The following EIF4E2 variants were observed in gnomAD, a reference collection of about 807,000 sequenced individuals.
EIF4E2 encodes eukaryotic translation initiation factor 4E type 2.
EIF4E2 carries 13 observed loss-of-function variants against 34.2 expected under a neutral mutation model. That is an observed-to-expected ratio of 0.38 (90% confidence interval 0.25 to 0.60). The LOEUF (loss-of-function observed/expected upper bound fraction) is 0.60. EIF4E2 is among the 20% of genes least tolerant of loss of function. The pLI is 0.62. For synonymous variants in EIF4E2, 100 were observed against 106.6 expected (o/e 0.94, Z 0.38); for missense variants, 222 against 315.1 (o/e 0.70, Z 2.24).
chr2:232,554,772 T>G (rs1446130160), intron 1 of EIF4E2, among the ~76,000 whole-genome samples: 1 of 152,226 alleles, frequency 6.6e-6, no homozygotes, highest in Non-Finnish European at 1.5e-5. Flanking sequence ...TTCTCTGCTT[T>G]TGCTCATTGT....
chr2:232,581,197 C>T lies in EIF4E2; in HGVS notation c.*254C>T, dbSNP rs1448605193. 1.3e-5 allele frequency: 8 copies of T among 598,520 alleles called. No homozygotes were observed. Among genetic ancestry groups the T allele is most frequent in the South Asian group, 8.0e-5 (5 of 62,220 alleles). The allele number at this position is 598,520 out of a possible 1,614,324, so 37.1% of individuals were successfully genotyped here. A position where few individuals can be genotyped will look rare whatever the true frequency, so the allele number is the denominator to read the frequency against. ...TTTTTAATGGGGTTCCATGGGGGGG[C>T]GTTCAGCCTTTCTGTTTGCTGTGTG... is the stretch of plus-strand genomic sequence containing the variant. On this transcript the variant is annotated 3_prime_UTR_variant, in exon 7 of 7. Transcript: ENST00000409098. This position sits in a 1 kb window ranked among gnomAD's most constrained non-coding sequence, Gnocchi z 5.2.
At position 232,566,259 on chromosome 2, in the gene EIF4E2, TCCC is replaced by T. The variant is rs1231011851; in HGVS notation, c.376-569_376-567del. On this transcript the variant is annotated intron_variant, in intron 4 of 6. Coordinates refer to ENST00000258416, the MANE Select transcript of EIF4E2 (RefSeq NM_004846.4). The surrounding 1 kb of genome is among the most constrained non-coding windows in gnomAD (Gnocchi z 4.9). The stretch of plus-strand genomic sequence containing the variant: ...GGGAGTGCAGTGGCACGATCTCGGC[TCCC>T]TGCAAGCTCTGCCTCCCGAGTTCAC... Among the ~76,000 whole-genome samples, 25 of 152,252 alleles carry T rather than the reference TCCC, an allele frequency of 1.6e-4. No homozygotes were observed. Among genetic ancestry groups the T allele is most frequent in the African/African-American group, 5.5e-4 (23 of 41,558 alleles).
chr2:232,551,036 C>T, intron 1 of EIF4E2: 1 of 613,944 alleles, frequency 1.6e-6, no homozygotes. Context: ...CTGGTGGATG[C>T]GGATTGCCTG....
chr2:232,570,404 T>A (rs1693063857), downstream of EIF4E2, among the ~76,000 whole-genome samples: 1 of 152,242 alleles, frequency 6.6e-6, no homozygotes, highest in Non-Finnish European at 1.5e-5. Flanking sequence ...TCTTTCCCTC[T>A]TGCCTTCAAA....
rs537259473 is a variant in EIF4E2 at position 232,581,553 on chromosome 2, T to G, written c.*610T>G. The G allele has an allele frequency of 4.4e-3, 796 of 179,650 alleles. 7 individuals are homozygous for G. The highest frequency in any genetic ancestry group is 0.018 in the African/African-American group (746 of 41,880). The allele number at this position is 179,650 out of a possible 1,614,324, so 11.1% of individuals were successfully genotyped here. A position where few individuals can be genotyped will look rare whatever the true frequency, so the allele number is the denominator to read the frequency against. On this transcript the variant is annotated 3_prime_UTR_variant, in exon 7 of 7. Transcript: ENST00000409098. This position sits in a 1 kb window ranked among gnomAD's most constrained non-coding sequence, Gnocchi z 5.2. The stretch of plus-strand genomic sequence containing the variant: ...TCCGGTCTCCTCTCCTGTGGGACTC[T>G]CTCCTTCTTAGGCACAGCTGCACTT...
chr2:232,556,599 T>C, intron 2 of EIF4E2, 69 bp downstream of exon 2: 2 of 1,132,522 alleles, frequency 1.8e-6, no homozygotes, highest in Non-Finnish European at 2.6e-6. Context: ...GGAATCTGTT[T>C]ATCTGGAAGA....
intron 1 of EIF4E2, 30 bp from the exon 2 acceptor site, chr2:232,556,386 A>C (rs760493669): frequency 1.9e-6 from 3 of 1,573,746 alleles, no homozygotes; most frequent in African/African-American, 2.7e-5. Context: ...ACTTCGTCAC[A>C]GAATTGTATT....
At chr2:232,572,419 G>A (rs545518287), downstream of EIF4E2, among the ~76,000 whole-genome samples, 14 of 152,190 alleles carry the variant, frequency 9.2e-5, no homozygotes, top group Non-Finnish European at 1.9e-4. Flanking sequence ...AGGCTGGAGT[G>A]CAGTGGCGCG....
At chr2:232,561,293 A>T (rs370269964) in intron 3 of EIF4E2, among the ~76,000 whole-genome samples, 1 of 151,596 alleles carries the variant, frequency 6.6e-6, no homozygotes, top group Non-Finnish European at 1.5e-5. Flanking sequence ...TGGAGTAATT[A>T]TGCATACTTC....
chr2:232,556,696 A>G, intron 2 of EIF4E2, 166 bp downstream of exon 2: 1 of 595,038 alleles, frequency 1.7e-6, no homozygotes, highest in South Asian at 2.0e-5. Flanking sequence ...GTTCATTTTC[A>G]GACCTAGAAC....
At chr2:232,582,378 C>G (rs979983670) in exon 7 of EIF4E2, 9 of 152,328 alleles carry the variant, frequency 5.9e-5, no homozygotes, top group African/African-American at 2.2e-4. Flanking sequence ...TGAACACCCT[C>G]TAATTACCAC....
intron 3 of EIF4E2, 55 bp from the exon 4 acceptor site, chr2:232,564,192 A>G: frequency 7.9e-7 from 1 of 1,262,630 alleles, no homozygotes. Context: ...CTTGGGATGC[A>G]TTCAAAGAAA....
At chr2:232,583,430 C>CGT (rs3085875) in exon 7 of EIF4E2, 42,599 of 109,950 alleles carry the variant, frequency 0.39, 6,183 homozygotes, top group East Asian at 0.5. Context: ...TCCTTCTGTT[C>CGT]GTGTGTGTGT....
chr2:232,579,029 T>C (rs1257179716), intron 6 of EIF4E2, among the ~76,000 whole-genome samples: 1 of 151,958 alleles, frequency 6.6e-6, no homozygotes, highest in Non-Finnish European at 1.5e-5. Flanking sequence ...TCCTGTGAAA[T>C]CACTTTCTTT....
chr2:232,569,101 C>T lies in EIF4E2; in HGVS notation c.*84C>T, dbSNP rs1693030315. ...CTGTTGGCGTGCTACCTGGAAGATC[C>T]TTCTGTCCTGGACAAGAGGAATTGG... On this transcript the variant is annotated 3_prime_UTR_variant, in exon 7 of 7. Transcript: ENST00000258416. 4 of 1,570,058 alleles carry T rather than the reference C, an allele frequency of 2.5e-6. No homozygotes were observed. Among genetic ancestry groups the T allele is most frequent in the Non-Finnish European group, 2.6e-6 (3 of 1,156,266 alleles).
chr2:232,551,993 T>G (rs983026723), intron 1 of EIF4E2, among the ~76,000 whole-genome samples: 4 of 152,130 alleles, frequency 2.6e-5, no homozygotes, highest in Non-Finnish European at 4.4e-5. Context: ...TTCATCTCTA[T>G]TGTAAACCCT....
Position 232,563,152 on chromosome 2 carries a change from A to C in EIF4E2, c.271-1095A>C, listed in dbSNP as rs528216219. Among the ~76,000 whole-genome samples the C allele has an allele frequency of 3.9e-5, 6 of 152,338 alleles. No homozygotes were observed. In the East Asian group the frequency reaches 1.2e-3, roughly 29 times the overall value. ...CCTGCTCAGCAGTTTAGCAGATACC[A>C]GCTATTTCTCATTGGAATGTTCCGT... is the stretch of plus-strand genomic sequence containing the variant. On this transcript the variant is annotated intron_variant, in intron 3 of 6. Coordinates refer to ENST00000258416, the MANE Select transcript of EIF4E2 (RefSeq NM_004846.4).
At chr2:232,551,343 A>G in intron 1 of EIF4E2, 2 of 467,540 alleles carry the variant, frequency 4.3e-6, no homozygotes, top group South Asian at 1.6e-5. Context: ...CCAAGACCTA[A>G]GTATACTTGT....
At chr2:232,567,886 T>C (rs912344284) in intron 6 of EIF4E2, 1 of 985,286 alleles carries the variant, frequency 1.0e-6, no homozygotes, top group South Asian at 4.7e-5. Context: ...TGAAAAAGTG[T>C]GGGGAGTGGC....
Sources: allele counts gnomAD v4.1 joint callset (sites outside exome capture counted in the v4.1 genomes callset), GRCh38; gene constraint gnomAD v4.1.1; non-coding constraint Gnocchi (gnomAD v3.1); transcripts MANE v1.5; gene names NCBI Gene and HGNC (gene_info 2026-07-23, HGNC 2026-07-21).